ADK: variants seen among roughly 807,000 people sequenced by gnomAD.
The protein encoded by ADK is adenosine kinase.
Under a neutral mutation model 44.7 loss-of-function variants are expected in ADK, and 24 were observed. The ratio of observed to expected loss-of-function variants is 0.54; its 90% CI spans 0.39 to 0.76. ADK has a LOEUF of 0.76. Ranked by LOEUF, ADK falls within the 30% of genes least tolerant of loss-of-function variation. The pLI is 0.00. For missense variants in ADK, 321 were observed against 425.1 expected (o/e 0.76, Z 2.15); for synonymous variants, 128 against 142.6 (o/e 0.90, Z 0.73).
At chr10:74,628,560 CA>C (rs1853300410) in intron 9 of ADK, among the ~76,000 whole-genome samples, 1 of 151,670 alleles carries the variant, frequency 6.6e-6, no homozygotes, top group Non-Finnish European at 1.5e-5. Flanking sequence ...CTGCTGGCTC[CA>C]CTTTACTGAC....
At chr10:74,577,630 G>T (rs1293598139) in intron 7 of ADK, among the ~76,000 whole-genome samples, 3 of 150,810 alleles carry the variant, frequency 2.0e-5, no homozygotes, top group African/African-American at 4.9e-5. Flanking sequence ...ACTCCATTTT[G>T]TTACATTAAA....
intron 6 of ADK, among the ~76,000 whole-genome samples, chr10:74,433,489 T>C (rs1483179696): frequency 6.6e-6 from 1 of 152,158 alleles, no homozygotes; most frequent in Non-Finnish European, 1.5e-5. Flanking sequence ...CATTTCTCAG[T>C]AGCAGCAGGA....
intron 7 of ADK, among the ~76,000 whole-genome samples, chr10:74,563,509 C>G (rs947153238): frequency 6.6e-6 from 1 of 152,172 alleles, no homozygotes. Flanking sequence ...ACATAGAGCA[C>G]ATACAATAGG....
intron 10 of ADK, among the ~76,000 whole-genome samples, chr10:74,702,017 G>A (rs1468018567): frequency 6.6e-6 from 1 of 152,092 alleles, no homozygotes; most frequent in African/African-American, 2.4e-5. Flanking sequence ...GGGAGAAGAG[G>A]TAGGCTCTTG....
rs148370281 is a variant in ADK, at chr10:74,412,515, T to C, written c.555+13936T>C. 2.2e-3 allele frequency among the ~76,000 whole-genome samples: 334 copies of C among 152,246 alleles called. 2 individuals carry two copies. The highest frequency in any genetic ancestry group is 7.6e-3 in the African/African-American group (316 of 41,546). ...TTTCAATTTACTCTGCCCAAACCCA[T>C]CAGATGAGTCACTATGGCAGCTATA... On this transcript the variant is annotated intron_variant, in intron 6 of 10. Coordinates refer to ENST00000539909, the MANE Select transcript of ADK (RefSeq NM_006721.4).
intron 3 of ADK, among the ~76,000 whole-genome samples, chr10:74,255,840 A>G (rs916898551): frequency 6.6e-6 from 1 of 152,194 alleles, no homozygotes; most frequent in Non-Finnish European, 1.5e-5. Context: ...CTTTAAGACC[A>G]TTCTTTGGCA....
intron 9 of ADK, among the ~76,000 whole-genome samples, chr10:74,616,644 C>T (rs1168638797): frequency 6.6e-6 from 1 of 152,126 alleles, no homozygotes; most frequent in Non-Finnish European, 1.5e-5. Flanking sequence ...TTTTATCTGG[C>T]AATGTCAGTC....
intron 3 of ADK, among the ~76,000 whole-genome samples, chr10:74,241,138 A>G (rs1455099731): frequency 6.6e-6 from 1 of 152,226 alleles, no homozygotes; most frequent in Admixed American, 6.5e-5. Context: ...TTTAAGTTTA[A>G]TTCCTGAGAT....
intron 9 of ADK, among the ~76,000 whole-genome samples, chr10:74,644,585 G>A (rs978679761): frequency 6.6e-6 from 1 of 152,228 alleles, no homozygotes; most frequent in Non-Finnish European, 1.5e-5. Context: ...CCAGGCTGGA[G>A]TTCAGGGATG....
intron 6 of ADK, among the ~76,000 whole-genome samples, chr10:74,418,286 A>G (rs2133002384): frequency 6.6e-6 from 1 of 152,310 alleles, no homozygotes; most frequent in African/African-American, 2.4e-5. Context: ...CCCCCAACAC[A>G]GCTTTTAGAT....
chr10:74,293,761 AT>A (rs1297287516), intron 3 of ADK, among the ~76,000 whole-genome samples: 10 of 152,212 alleles, frequency 6.6e-5, no homozygotes, highest in Non-Finnish European at 1.3e-4. Flanking sequence ...ATTTGCCAAA[AT>A]TCATCATTGA....
chr10:74,577,467 T>G lies in ADK; in HGVS notation c.727-11815T>G, dbSNP rs1851233388. Among the ~76,000 whole-genome samples, 4 of 152,112 alleles carry G rather than the reference T, an allele frequency of 2.6e-5. No individual in the cohort carries two copies. The South Asian group carries it at 8.3e-4, about 31-fold the overall frequency. ...TGTTAGCTTTATTAAAGATTTTTTT[T>G]TCTTATCTTTTTTCTTTCAACTATT... On this transcript the variant is annotated intron_variant, in intron 7 of 10. Transcript: ENST00000539909.
At chr10:74,319,803 A>G (rs572568559) in intron 4 of ADK, among the ~76,000 whole-genome samples, 1 of 152,332 alleles carries the variant, frequency 6.6e-6, no homozygotes, top group East Asian at 1.9e-4. Flanking sequence ...CTAAACTCAT[A>G]ACAACCTAAT....
intron 9 of ADK, among the ~76,000 whole-genome samples, chr10:74,607,193 A>G (rs1000076743): frequency 2.0e-5 from 3 of 152,052 alleles, no homozygotes; most frequent in African/African-American, 7.2e-5. Context: ...CCAATTCCCC[A>G]GTCTGTGTTT....
At chr10:74,154,146 T>A (rs1841688495) in intron 1 of ADK, among the ~76,000 whole-genome samples, 1 of 152,144 alleles carries the variant, frequency 6.6e-6, no homozygotes, top group Admixed American at 6.5e-5. Flanking sequence ...GAGCTGCCTC[T>A]TGGGGAAGTG....
intron 7 of ADK, among the ~76,000 whole-genome samples, chr10:74,544,928 A>G (rs1365021719): frequency 6.7e-6 from 1 of 148,970 alleles, no homozygotes; most frequent in Non-Finnish European, 1.5e-5. Flanking sequence ...GAATCTTGCC[A>G]TGTCGCCAGG....
chr10:74,363,201 G>T (rs1842393514), intron 4 of ADK, among the ~76,000 whole-genome samples: 1 of 152,154 alleles, frequency 6.6e-6, no homozygotes. Flanking sequence ...GATCCAGTTG[G>T]GCGTGTGTCT....
chr10:74,355,734 G>T (rs568001302), intron 4 of ADK, among the ~76,000 whole-genome samples: 5 of 152,114 alleles, frequency 3.3e-5, no homozygotes, highest in Non-Finnish European at 5.9e-5. Flanking sequence ...TTGAAATTTG[G>T]ACAATTGGTC....
At chr10:74,674,886 AAATT>A (rs111435112) in intron 10 of ADK, among the ~76,000 whole-genome samples, 3 of 150,520 alleles carry the variant, frequency 2.0e-5, no homozygotes, top group Non-Finnish European at 3.0e-5. Context: ...TGTCTCAAAA[AAATT>A]AATTAATTAA....
Sources: gnomAD v4.1 joint callset for allele counts (sites outside exome capture counted in the v4.1 genomes callset) on GRCh38, gnomAD v4.1.1 for gene constraint, MANE v1.5 for transcripts, NCBI Gene and HGNC (gene_info 2026-07-23, HGNC 2026-07-21) for gene names.